Variants in IKZF3 observed in about 807,000 individuals in gnomAD.
IKZF3 encodes the protein IKAROS family zinc finger 3.
IKZF3 carries 10 observed loss-of-function variants against 49.0 expected under a neutral mutation model. That is an observed-to-expected ratio of 0.20 (90% confidence interval 0.13 to 0.35). The LOEUF is 0.35. Among genes scored for constraint, IKZF3 ranks in the 10% least tolerant of loss-of-function variants. The probability of loss-of-function intolerance (pLI) is 1.00; values close to 1 mark genes in which losing one functional copy is unlikely to be tolerated. For missense variants in IKZF3, 498 were observed against 664.8 expected (o/e 0.75, Z 2.76); for synonymous variants, 209 against 228.2 (o/e 0.92, Z 0.76).
intron 5 of IKZF3, among the ~76,000 whole-genome samples, chr17:39,790,357 G>A (rs1193664581): frequency 6.6e-6 from 1 of 151,726 alleles, no homozygotes; most frequent in Non-Finnish European, 1.5e-5. Context: ...AATTTTTTTC[G>A]AACCAAACTC....
At chr17:39,850,544 T>A (rs1203349804) in intron 1 of IKZF3, among the ~76,000 whole-genome samples, 9 of 116,986 alleles carry the variant, frequency 7.7e-5, no homozygotes, top group East Asian at 2.1e-4. Flanking sequence ...ATGTACATAT[T>A]ATAGCATATT....
At chr17:39,848,155 C>T (rs2062688513) in intron 1 of IKZF3, among the ~76,000 whole-genome samples, 2 of 152,098 alleles carry the variant, frequency 1.3e-5, no homozygotes, top group East Asian at 1.9e-4. Context: ...AACACCAGAT[C>T]AAATACAACC....
At chr17:39,813,960 C>T (rs776071083) in intron 3 of IKZF3, among the ~76,000 whole-genome samples, 3 of 152,346 alleles carry the variant, frequency 2.0e-5, no homozygotes, top group South Asian at 2.1e-4. Context: ...TCTCCCAGCT[C>T]GCTCCAGCCA....
chr17:39,805,455 T>C (rs2061413386), intron 3 of IKZF3, among the ~76,000 whole-genome samples: 2 of 152,170 alleles, frequency 1.3e-5, no homozygotes, highest in Admixed American at 6.5e-5. Context: ...GAAATGAGTA[T>C]AAGGATTAAG....
chr17:39,863,547 A>G (rs935744727), intron 1 of IKZF3, among the ~76,000 whole-genome samples: 1 of 152,198 alleles, frequency 6.6e-6, no homozygotes, highest in African/African-American at 2.4e-5. Flanking sequence ...AAAATGTTTG[A>G]GAAGCAAGGA....
At chr17:39,796,782 G>T (rs546355949) in intron 3 of IKZF3, among the ~76,000 whole-genome samples, 3 of 149,098 alleles carry the variant, frequency 2.0e-5, no homozygotes, top group South Asian at 2.1e-4. Context: ...TCCTGACCTC[G>T]TGATCCACCC....
chr17:39,856,019 T>TAATAAC (rs1568073458), intron 1 of IKZF3, among the ~76,000 whole-genome samples: 5 of 148,008 alleles, frequency 3.4e-5, no homozygotes, highest in Non-Finnish European at 6.0e-5. Flanking sequence ...AACATGTATA[T>TAATAAC]TGTATATGTA....
chr17:39,789,096 T>C (rs2060944867), intron 5 of IKZF3, among the ~76,000 whole-genome samples: 1 of 152,080 alleles, frequency 6.6e-6, no homozygotes, highest in Admixed American at 6.6e-5. Context: ...GGCTTACAGG[T>C]GTGAGCCATT....
chr17:39,833,230 A>G (rs2062166848), intron 1 of IKZF3, among the ~76,000 whole-genome samples: 1 of 152,224 alleles, frequency 6.6e-6, no homozygotes, highest in Admixed American at 6.5e-5. Flanking sequence ...ATTATTAACT[A>G]AAATTCAATA....
chr17:39,798,508 T>TC (rs2061231350), intron 3 of IKZF3, among the ~76,000 whole-genome samples: 1 of 126,544 alleles, frequency 7.9e-6, no homozygotes, highest in South Asian at 2.4e-4. Flanking sequence ...ATCCTACGTA[T>TC]TTTTTTTTTT....
Position 39,760,697 on chromosome 17 carries a change from A to G in IKZF3, c.*5093T>C, listed in dbSNP as rs2060163778. On this transcript the variant is annotated 3_prime_UTR_variant, in exon 8 of 8. Transcript: ENST00000346872. ...GGGGTGGTACAGGAAATAGGAGAAT[A>G]ATAGTGATACAGATGCTACCTGGAA... 1 of 152,244 alleles carries G rather than the reference A, an allele frequency of 6.6e-6. No individual in the cohort carries two copies. The highest frequency in any genetic ancestry group is 2.4e-5 in the African/African-American group (1 of 41,456). The allele number at this position is 152,244 out of a possible 1,614,324, so 9.4% of individuals were successfully genotyped here.
At chr17:39,798,362 C>T (rs1037726198) in intron 3 of IKZF3, among the ~76,000 whole-genome samples, 18 of 152,154 alleles carry the variant, frequency 1.2e-4, no homozygotes, top group African/African-American at 3.9e-4. Flanking sequence ...AAAGGCCTTT[C>T]GGGATCTGGC....
At chr17:39,832,980 G>A (rs1234721729) in intron 1 of IKZF3, among the ~76,000 whole-genome samples, 2 of 151,932 alleles carry the variant, frequency 1.3e-5, no homozygotes, top group Admixed American at 6.6e-5. Flanking sequence ...AATATCACAT[G>A]TGCCCCATAA....
chr17:39,794,010 C>A (rs946311294), intron 3 of IKZF3, among the ~76,000 whole-genome samples: 2 of 152,134 alleles, frequency 1.3e-5, no homozygotes, highest in Admixed American at 6.5e-5. Flanking sequence ...CTTACTTTTT[C>A]AACCATTGGT....
chr17:39,801,174 G>A (rs887569677), intron 3 of IKZF3, among the ~76,000 whole-genome samples: 4 of 152,298 alleles, frequency 2.6e-5, no homozygotes, highest in Middle Eastern at 3.4e-3. Context: ...TGTTATTTAA[G>A]TGTTTTACAA....
At position 39,765,768 on chromosome 17, in the gene IKZF3, A is replaced by G. The variant is rs2060272561; in HGVS notation, c.*22T>C. ...TTAGAAACGATGCTGAATACATAGG[A>G]GCAATCCCTGAGACCAGATATTCAC... is the stretch of plus-strand genomic sequence containing the variant. On this transcript the variant is annotated 3_prime_UTR_variant, in exon 8 of 8. Coordinates refer to ENST00000346872, the MANE Select transcript of IKZF3 (RefSeq NM_012481.5). 3.2e-6 allele frequency: 5 copies of G among 1,549,286 alleles called. No homozygotes were observed. The highest frequency in any genetic ancestry group is 4.4e-6 in the Non-Finnish European group (5 of 1,133,350).
At chr17:39,788,237 A>G in intron 6 of IKZF3, 21 bp downstream of exon 6, 1 of 1,451,614 alleles carries the variant, frequency 6.9e-7, no homozygotes, top group Non-Finnish European at 9.7e-7. Context: ...TGCTCACTAA[A>G]CGTGTGTTGC....
chr17:39,817,548 C>T (rs1016019149), intron 3 of IKZF3, among the ~76,000 whole-genome samples: 13 of 152,158 alleles, frequency 8.5e-5, no homozygotes, highest in Admixed American at 2.0e-4. Flanking sequence ...AAGTGATCCT[C>T]CTGCCTCAGC....
At chr17:39,789,477 C>T (rs1273174372) in intron 5 of IKZF3, among the ~76,000 whole-genome samples, 2 of 152,262 alleles carry the variant, frequency 1.3e-5, no homozygotes, top group African/African-American at 2.4e-5. Flanking sequence ...GCAGAAGAAT[C>T]GCTTGAACCT....
Sources: gnomAD v4.1 joint callset for allele counts (sites outside exome capture counted in the v4.1 genomes callset) on GRCh38, gnomAD v4.1.1 for gene constraint, MANE v1.5 for transcripts, NCBI Gene and HGNC (gene_info 2026-07-23, HGNC 2026-07-21) for gene names.